USP32: variants seen among roughly 807,000 people sequenced by gnomAD.
The protein encoded by USP32 is ubiquitin specific peptidase 32, also known as ubiquitin carboxyl-terminal hydrolase 32.
A neutral mutation model predicts 204.8 loss-of-function variants in USP32; 59 were observed. The observed-to-expected ratio is 0.29, with a 90% CI of 0.23 to 0.36. USP32 has a LOEUF of 0.36. USP32 is among the 10% of genes least tolerant of loss of function. The pLI is 1.00. For missense variants in USP32, 1,160 were observed against 1,946.4 expected (o/e 0.60, Z 7.60); for synonymous variants, 517 against 678.4 (o/e 0.76, Z 3.70).
At chr17:60,414,035 C>T (rs1598324577) in intron 1 of USP32, among the ~76,000 whole-genome samples, 1 of 151,960 alleles carries the variant, frequency 6.6e-6, no homozygotes, top group East Asian at 2.0e-4. Context: ...GGATGTGGGT[C>T]CGGGTTTCTG....
chr17:60,388,289 T>TACACACAC (rs35068599), intron 1 of USP32, among the ~76,000 whole-genome samples: 1,981 of 141,994 alleles, frequency 0.014, 67 homozygotes, highest in African/African-American at 0.05. Context: ...AGCCGATTCT[T>TACACACAC]ACACACACAC....
intron 9 of USP32, among the ~76,000 whole-genome samples, chr17:60,259,755 C>G (rs930598251): frequency 5.9e-5 from 9 of 152,116 alleles, no homozygotes; most frequent in Non-Finnish European, 8.8e-5. Flanking sequence ...AACCCATCAC[C>G]ACTATGACTG....
rs189669595 is a variant in USP32 at position 60,185,191 on chromosome 17, C to G, written c.3834+269G>C. Among the ~76,000 whole-genome samples, 1,451 of 152,338 alleles carry G rather than the reference C, an allele frequency of 9.5e-3. 33 individuals are homozygous for G. The highest frequency in any genetic ancestry group is 0.034 in the African/African-American group (1,395 of 41,564). The stretch of plus-strand genomic sequence containing the variant: ...AGTTCAAATTCACCACGTTGTACCC[C>G]TTGTGGCAGTTCTCACATTGCACTG... On this transcript the variant is annotated intron_variant, in intron 30 of 33. Transcript: ENST00000300896.
chr17:60,421,715 G>T (rs1183292764), intron 1 of USP32: 16 of 801,694 alleles, frequency 2.0e-5, no homozygotes, highest in Non-Finnish European at 2.3e-5. Flanking sequence ...GGCCCTGCCC[G>T]GCCAACTCAG....
chr17:60,247,189 T>C (rs1244920116), intron 11 of USP32, among the ~76,000 whole-genome samples: 1 of 148,856 alleles, frequency 6.7e-6, no homozygotes, highest in Non-Finnish European at 1.5e-5. Context: ...TTTCTTTTCT[T>C]TTTTTTTTGA....
intron 2 of USP32, among the ~76,000 whole-genome samples, chr17:60,332,653 A>G (rs1458341891): frequency 2.6e-5 from 4 of 152,216 alleles, no homozygotes; most frequent in Non-Finnish European, 5.9e-5. Flanking sequence ...TGTCTTAAAA[A>G]AAAAGTTTAC....
At chr17:60,309,263 G>A (rs1301958027) in intron 2 of USP32, among the ~76,000 whole-genome samples, 3 of 152,032 alleles carry the variant, frequency 2.0e-5, no homozygotes, top group Admixed American at 6.6e-5. Context: ...TAATCAGACT[G>A]TATAAGGAGC....
At chr17:60,308,321 A>T (rs2087776675) in intron 2 of USP32, among the ~76,000 whole-genome samples, 2 of 152,278 alleles carry the variant, frequency 1.3e-5, no homozygotes, top group South Asian at 4.2e-4. Flanking sequence ...AGTCACCCCT[A>T]GATGCTGCCC....
At chr17:60,392,766 G>GA (rs776903776), upstream of USP32, 32 of 316,772 alleles carry the variant, frequency 1.0e-4, no homozygotes, top group Non-Finnish European at 1.8e-4. Flanking sequence ...GATCCCTGAG[G>GA]AAAGTGGACC....
chr17:60,209,684 T>C (rs552069633), intron 21 of USP32, 141 bp from the exon 22 acceptor site: 1 of 688,322 alleles, frequency 1.5e-6, no homozygotes, highest in Non-Finnish European at 2.2e-6. Flanking sequence ...AAATATATTT[T>C]GGATAATCAT....
intron 1 of USP32, among the ~76,000 whole-genome samples, chr17:60,414,997 A>T (rs77761822): frequency 0.011 from 1,748 of 152,234 alleles, 17 homozygotes; most frequent in Non-Finnish European, 0.019. Flanking sequence ...GATTACAGGA[A>T]GAAATTTAAA....
At chr17:60,215,868 T>C (rs1252434327) in intron 16 of USP32, among the ~76,000 whole-genome samples, 3 of 152,092 alleles carry the variant, frequency 2.0e-5, no homozygotes, top group African/African-American at 7.2e-5. Context: ...ATCCTCGCAC[T>C]TTAGCTTCCC....
At chr17:60,240,063 GTCCA>G (rs1345676054) in intron 11 of USP32, among the ~76,000 whole-genome samples, 1 of 152,174 alleles carries the variant, frequency 6.6e-6, no homozygotes, top group African/African-American at 2.4e-5. Context: ...TTAGTTTGTT[GTCCA>G]TCACCTCCAT....
intron 26 of USP32, among the ~76,000 whole-genome samples, chr17:60,199,022 G>A (rs1489980608): frequency 6.6e-6 from 1 of 152,078 alleles, no homozygotes; most frequent in African/African-American, 2.4e-5. Context: ...AGGCTGAGGT[G>A]GGAGGATTGC....
intron 1 of USP32, among the ~76,000 whole-genome samples, chr17:60,355,460 T>C (rs1011000267): frequency 5.3e-5 from 8 of 152,152 alleles, no homozygotes. Context: ...TCCATTCTTC[T>C]AAAAAAGCAG....
At chr17:60,335,270 T>C (rs1364770637) in intron 2 of USP32, among the ~76,000 whole-genome samples, 1 of 142,626 alleles carries the variant, frequency 7.0e-6, no homozygotes, top group Non-Finnish European at 1.5e-5. Context: ...CACCCGGCCC[T>C]CCATTTGTAT....
intron 10 of USP32, 62 bp downstream of exon 10, chr17:60,255,113 G>T: frequency 1.6e-6 from 2 of 1,233,336 alleles, no homozygotes; most frequent in South Asian, 1.3e-5. Context: ...ACTATATGAT[G>T]GAAAAGATGT....
At chr17:60,231,283 A>G (rs1411992371) in intron 12 of USP32, among the ~76,000 whole-genome samples, 2 of 152,350 alleles carry the variant, frequency 1.3e-5, no homozygotes, top group South Asian at 2.1e-4. Flanking sequence ...TGTCAATTTC[A>G]TATTTCACTA....
intron 13 of USP32, among the ~76,000 whole-genome samples, chr17:60,225,542 T>C (rs9890837): frequency 0.14 from 21,393 of 152,234 alleles, 3,249 homozygotes; most frequent in African/African-American, 0.38. Flanking sequence ...AAAATACTAA[T>C]ATATTCAAGA....
Sources: gnomAD v4.1 joint callset for allele counts (sites outside exome capture counted in the v4.1 genomes callset) on GRCh38, gnomAD v4.1.1 for gene constraint, MANE v1.5 for transcripts, NCBI Gene and HGNC (gene_info 2026-07-23, HGNC 2026-07-21) for gene names.